INA: variants seen among roughly 807,000 people sequenced by gnomAD.
The protein encoded by INA is alpha-internexin.
A neutral mutation model predicts 40.1 loss-of-function variants in INA; 35 were observed. That is an observed-to-expected ratio of 0.87 (90% confidence interval 0.67 to 1.16). INA has a LOEUF of 1.16. Among genes scored for constraint, INA ranks in the 50% most tolerant of loss-of-function variants. The pLI is 0.00. For synonymous variants in INA, 290 were observed against 316.9 expected (o/e 0.92, Z 0.90); for missense variants, 594 against 686.7 (o/e 0.87, Z 1.51).
chr10:103,277,235 C>G lies in INA; in HGVS notation c.24C>G (p.Tyr8Ter), dbSNP rs536679475. Residue 8 changes from tyrosine to a stop codon, truncating the protein, a stop_gained, in exon 1 of 3, where the codon TAC (tyrosine) becomes TAG (stop). Transcript: ENST00000369849. LOFTEE classifies it high-confidence loss of function. The surrounding 1 kb of genome is among the most constrained non-coding windows in gnomAD (Gnocchi z 5.6). MSFGSEH[Y>*]LCSSSSYRKV... Reference sequence around the variant, plus strand: ...CCATGAGCTTCGGCTCGGAGCACTACCTGTGCTCCTCCTCCTCCTACCGCA... The same window carrying G: ...CCATGAGCTTCGGCTCGGAGCACTAGCTGTGCTCCTCCTCCTCCTACCGCA... The G allele has an allele frequency of 6.3e-7, 1 of 1,590,092 alleles. No individual in the cohort carries two copies. The highest frequency in any genetic ancestry group is 8.5e-7 in the Non-Finnish European group (1 of 1,171,468).
chr10:103,277,147 G>A lies in INA; in HGVS notation c.-65G>A. 1.4e-6 allele frequency: 2 copies of A among 1,480,948 alleles called. No homozygotes were observed. Among genetic ancestry groups the A allele is most frequent in the Non-Finnish European group, 1.8e-6 (2 of 1,122,444 alleles). The allele number at this position is 1,480,948 out of a possible 1,614,324, so 91.7% of individuals were successfully genotyped here. A position where few individuals can be genotyped will look rare whatever the true frequency, so the allele number is the denominator to read the frequency against. On this transcript the variant is annotated 5_prime_UTR_variant, in exon 1 of 3. Coordinates refer to ENST00000369849, the MANE Select transcript of INA (RefSeq NM_032727.4). This position sits in a 1 kb window ranked among gnomAD's most constrained non-coding sequence, Gnocchi z 5.6. ...CGCACCGCCCCGCCGCGCCCTGCCT[G>A]CCGCACCTCTCCTTTCTTCTGTAGC...
chr10:103,278,101 A>T lies in INA; in HGVS notation c.890A>T (p.Gln297Leu). ...TCCAAGTTTGCCAACCTGAACGAGC[A>T]GGCGGCGCGCAGCACCGAGGCCATC... Reference protein sequence around the residue: ...YKSKFANLNEQAARSTEAIRA... With the variant: ...YKSKFANLNELAARSTEAIRA... Residue 297 changes from glutamine (Q) to leucine (L), a missense_variant, in exon 1 of 3, where the codon CAG (glutamine) becomes CTG (leucine). Around this residue, in one of 2 missense-constraint regions of INA, gnomAD observed 379 missense variants for 496.1 expected, o/e 0.76. Coordinates refer to ENST00000369849, the MANE Select transcript of INA (RefSeq NM_032727.4). The surrounding 1 kb of genome is among the most constrained non-coding windows in gnomAD (Gnocchi z 4.9). 6.2e-7 allele frequency: 1 copy of T among 1,613,390 alleles called. No individual in the cohort carries two copies.
intron 1 of INA, among the ~76,000 whole-genome samples, chr10:103,284,192 C>T (rs1295566928): frequency 1.3e-5 from 2 of 151,922 alleles, no homozygotes; most frequent in Admixed American, 6.6e-5. Flanking sequence ...ACTTCAACCT[C>T]CGCCTACCGG....
rs997700147 is a variant in INA, at chr10:103,289,323, G to A, written c.*654G>A. The A allele has an allele frequency of 2.6e-5, 4 of 152,590 alleles. No homozygotes were observed. The highest frequency in any genetic ancestry group is 7.2e-5 in the African/African-American group (3 of 41,428). 9.5% of individuals were successfully genotyped at this position (152,590 alleles called of 1,614,324 possible). The stretch of plus-strand genomic sequence containing the variant: ...GTAAAATTAGATGCATGTTGACCAT[G>A]TCTATGATTCGTGTAATTACTTATC... On this transcript the variant is annotated 3_prime_UTR_variant, in exon 3 of 3. Coordinates refer to ENST00000369849, the MANE Select transcript of INA (RefSeq NM_032727.4).
At chr10:103,284,900 G>T (rs1038928631) in intron 1 of INA, among the ~76,000 whole-genome samples, 3 of 152,168 alleles carry the variant, frequency 2.0e-5, no homozygotes, top group African/African-American at 7.2e-5. Context: ...AAAATAAAGT[G>T]CTGGGTTGGT....
At chr10:103,280,379 G>A in intron 1 of INA, 1 of 985,414 alleles carries the variant, frequency 1.0e-6, no homozygotes, top group Non-Finnish European at 1.2e-6. Flanking sequence ...GATGCCACAA[G>A]GGTGTCTCTG....
intron 2 of INA, 79 bp downstream of exon 2, chr10:103,287,238 T>TG: frequency 6.1e-6 from 9 of 1,481,666 alleles, no homozygotes; most frequent in Non-Finnish European, 7.3e-6. Flanking sequence ...ATCTAGTCTC[T>TG]CTGGCTTCTG....
Position 103,277,138 on chromosome 10 carries a change from G to T in INA, c.-74G>T. The T allele has an allele frequency of 2.1e-6, 3 of 1,458,724 alleles. No individual in the cohort carries two copies. Among genetic ancestry groups the T allele is most frequent in the Admixed American group, 2.6e-5 (1 of 38,918 alleles). 90.4% of individuals were successfully genotyped at this position (1,458,724 alleles called of 1,614,324 possible). On this transcript the variant is annotated 5_prime_UTR_variant, in exon 1 of 3. Coordinates refer to ENST00000369849, the MANE Select transcript of INA (RefSeq NM_032727.4). The surrounding 1 kb of genome is among the most constrained non-coding windows in gnomAD (Gnocchi z 5.6). ...AAAGCCGGGCGCACCGCCCCGCCGC[G>T]CCCTGCCTGCCGCACCTCTCCTTTC...
rs554411687 is a variant in INA, at chr10:103,277,970, C to T, written c.759C>T (p.Asp253=). ...CGTCGCAGGCCGCGGCCGAGGTGGACGTGACTGTGGCTAAACCAGACCTGA... is the reference window on the plus strand; with the variant it reads ...CGTCGCAGGCCGCGGCCGAGGTGGATGTGACTGTGGCTAAACCAGACCTGA... ...QASSQAAAEV[D]VTVAKPDLTS... is the part of the protein sequence containing the mutation. Residue 253 remains aspartate (D), a synonymous_variant, in exon 1 of 3, where the codon GAC becomes GAT. Transcript: ENST00000369849. This position sits in a 1 kb window ranked among gnomAD's most constrained non-coding sequence, Gnocchi z 5.6. The T allele has an allele frequency of 3.0e-4, 476 of 1,576,216 alleles. 6 individuals carry two copies. The South Asian group carries it at 5.3e-3, about 17-fold the overall frequency.
At chr10:103,286,925 T>C in intron 1 of INA, 110 bp from the exon 2 acceptor site, 1 of 1,148,896 alleles carries the variant, frequency 8.7e-7, no homozygotes, top group Non-Finnish European at 1.2e-6. Flanking sequence ...AAGTTATAAG[T>C]TCATTAGATG....
In INA at chr10:103,288,812, A is replaced by C. The variant is rs531045001; in HGVS notation, c.*143A>C. ...GTCTCATATTTAGTATTGAATACTT[A>C]CATTCTCTAATAAGAAAACCACCCC... On this transcript the variant is annotated 3_prime_UTR_variant, in exon 3 of 3. Transcript: ENST00000369849. 1.7e-6 allele frequency: 1 copy of C among 587,708 alleles called. No individual in the cohort carries two copies. The highest frequency in any genetic ancestry group is 2.4e-5 in the South Asian group (1 of 42,360). 36.4% of individuals were successfully genotyped at this position (587,708 alleles called of 1,614,324 possible). A position where few individuals can be genotyped will look rare whatever the true frequency, so the allele number is the denominator to read the frequency against.
chr10:103,281,048 C>CT (rs548438477), intron 1 of INA: 128 of 452,324 alleles, frequency 2.8e-4, no homozygotes, highest in African/African-American at 2.5e-3. Context: ...CAAGTCTTCT[C>CT]TTTTTTCTCC....
intron 1 of INA, among the ~76,000 whole-genome samples, chr10:103,279,375 T>C (rs2093067969): frequency 6.6e-6 from 1 of 152,194 alleles, no homozygotes; most frequent in Non-Finnish European, 1.5e-5. Context: ...TCCTCTAAGC[T>C]CCTGTGATGG....
At position 103,278,306 on chromosome 10, in the gene INA, G is replaced by A; in HGVS notation, c.1065+30G>A. ...GGGCCGGGGCTGGGCGTGGGGAGGG[G>A]TGCCCTGCCCTCTTCCGCGCGTACC... On this transcript the variant is annotated intron_variant, in intron 1 of 2. Coordinates refer to ENST00000369849, the MANE Select transcript of INA (RefSeq NM_032727.4). This position sits in a 1 kb window ranked among gnomAD's most constrained non-coding sequence, Gnocchi z 4.9. 6.8e-7 allele frequency: 1 copy of A among 1,471,290 alleles called. No homozygotes were observed. The highest frequency in any genetic ancestry group is 1.3e-5 in the South Asian group (1 of 76,764). 91.1% of individuals were successfully genotyped at this position (1,471,290 alleles called of 1,614,324 possible).
chr10:103,280,259 C>G (rs2093069832), intron 1 of INA: 6 of 985,302 alleles, frequency 6.1e-6, no homozygotes, highest in Non-Finnish European at 2.4e-6. Flanking sequence ...CACAGAGGAC[C>G]TGCTGATGGG....
intron 1 of INA, chr10:103,281,023 T>G: frequency 1.1e-5 from 7 of 659,138 alleles, no homozygotes; most frequent in Non-Finnish European, 1.3e-5. Context: ...GTTAATGCTC[T>G]CCAGGGAGAC....
chr10:103,288,341 T>C lies in INA; in HGVS notation c.1191-19T>C. The C allele has an allele frequency of 6.3e-7, 1 of 1,575,828 alleles. No homozygotes were observed. Among genetic ancestry groups the C allele is most frequent in the Non-Finnish European group, 8.6e-7 (1 of 1,164,920 alleles). On this transcript the variant is annotated intron_variant, in intron 2 of 2. Coordinates refer to ENST00000369849, the MANE Select transcript of INA (RefSeq NM_032727.4). The stretch of plus-strand genomic sequence containing the variant: ...AAAGTTATTGACTTCCTAAGAGTTT[T>C]TCTCTGTTGAATTTACAGGAAACTG...
chr10:103,284,707 T>C (rs1021611597), intron 1 of INA, among the ~76,000 whole-genome samples: 9 of 151,602 alleles, frequency 5.9e-5, no homozygotes, highest in African/African-American at 2.2e-4. Context: ...TGAGCTGAGA[T>C]TGCGCCACTG....
In INA at chr10:103,278,176, G is replaced by A. The variant is rs375016033; in HGVS notation, c.965G>A (p.Arg322His). 4.3e-6 allele frequency: 7 copies of A among 1,610,858 alleles called. No individual in the cohort carries two copies. The African/African-American group carries it at 8.0e-5, about 18-fold the overall frequency. Residue 322 changes from arginine (R) to histidine (H), a missense_variant, in exon 1 of 3, where the codon CGC (arginine) becomes CAC (histidine). Transcript: ENST00000369849. The surrounding 1 kb of genome is among the most constrained non-coding windows in gnomAD (Gnocchi z 4.9). ...IHEYRRQLQA[R>H]TIEIEGLRGA... ...GAGTATCGGCGCCAGCTGCAGGCGCGCACCATCGAGATCGAGGGCCTGCGC... is the reference window on the plus strand; with the variant it reads ...GAGTATCGGCGCCAGCTGCAGGCGCACACCATCGAGATCGAGGGCCTGCGC...
Sources: allele counts gnomAD v4.1 joint callset (sites outside exome capture counted in the v4.1 genomes callset), GRCh38; gene constraint gnomAD v4.1.1; regional missense constraint gnomAD v4.1.1; non-coding constraint Gnocchi (gnomAD v3.1); transcripts MANE v1.5; gene names NCBI Gene and HGNC (gene_info 2026-07-23, HGNC 2026-07-21).